Variants in XYLT1 observed in about 807,000 individuals in gnomAD.
The protein encoded by XYLT1 is xylosyltransferase 1, also known as beta-D-xylosyltransferase 1.
Under a neutral mutation model 91.3 loss-of-function variants are expected in XYLT1, and 36 were observed. That is an observed-to-expected ratio of 0.39 (90% CI 0.30 to 0.52). The LOEUF (loss-of-function observed/expected upper bound fraction) is 0.52, where lower values mean the gene tolerates loss of function less well. XYLT1 is among the 20% of genes least tolerant of loss of function. XYLT1 has a pLI of 0.68. For missense variants in XYLT1, 1,242 were observed against 1,284.5 expected, an observed-to-expected ratio of 0.97 and a Z score of 0.51; for synonymous variants, 588 against 532.0, an observed-to-expected ratio of 1.11 and a Z score of -1.45.
chr16:17,133,668 G>T (rs975192481), intron 9 of XYLT1, among the ~76,000 whole-genome samples: 1 of 152,164 alleles, frequency 6.6e-6, no homozygotes, highest in Non-Finnish European at 1.5e-5. Flanking sequence ...AATGCATATT[G>T]CTTCAGAACA....
chr16:17,407,354 C>T lies in XYLT1; in HGVS notation c.364-49304G>A, dbSNP rs566677696. ...ATGTGTATATATATAAGGGGTATAA[C>T]ACAGCGTTATTTTTAAGGAATAAGA... On this transcript the variant is annotated intron_variant, in intron 1 of 11. Transcript: ENST00000261381. Among the ~76,000 whole-genome samples the T allele has an allele frequency of 5.9e-5, 9 of 152,228 alleles. No homozygotes were observed. In the South Asian group the frequency reaches 1.9e-3, roughly 32 times the overall value.
intron 1 of XYLT1, among the ~76,000 whole-genome samples, chr16:17,411,272 T>A (rs763565347): frequency 5.9e-5 from 9 of 152,200 alleles, no homozygotes; most frequent in Non-Finnish European, 1.3e-4. Context: ...TTGATGTTGA[T>A]AATAAAAGCT....
intron 2 of XYLT1, among the ~76,000 whole-genome samples, chr16:17,340,428 G>A (rs772228876): frequency 1.3e-5 from 2 of 152,238 alleles, no homozygotes; most frequent in Non-Finnish European, 2.9e-5. Flanking sequence ...CAGGCAGAGC[G>A]CCATGCCTGT....
At chr16:17,186,467 ATT>A (rs55895412) in intron 5 of XYLT1, among the ~76,000 whole-genome samples, 169 of 132,376 alleles carry the variant, frequency 1.3e-3, no homozygotes, top group Non-Finnish European at 1.6e-3. Context: ...CACCTGGTTA[ATT>A]TTTTTTTTTT....
In XYLT1 at chr16:17,364,958, T is replaced by A. The variant is rs576607442; in HGVS notation, c.364-6908A>T. 1.5e-3 allele frequency among the ~76,000 whole-genome samples: 234 copies of A among 152,298 alleles called. 1 individual carries two copies. Among genetic ancestry groups the A allele is most frequent in the Non-Finnish European group, 1.6e-3 (112 of 68,026 alleles). On this transcript the variant is annotated intron_variant, in intron 1 of 11. Coordinates refer to ENST00000261381, the MANE Select transcript of XYLT1 (RefSeq NM_022166.4). ...TACGCTGAACCGGAGAGACTTTACA[T>A]GATACCTAAACTCTACCATGTGTAA...
In XYLT1 at chr16:17,200,583, C is replaced by A. The variant is rs759080497; in HGVS notation, c.985G>T (p.Ala329Ser). 1 of 1,614,050 alleles carries A rather than the reference C, an allele frequency of 6.2e-7. No homozygotes were observed. The highest frequency in any genetic ancestry group is 2.2e-5 in the East Asian group (1 of 44,894). ...CGGCCGTGGACCACCAGGACAAAGG[C>A]GATTCTGACCGGGTTGGCTGGCATG... ...EYMPANPVRI[A>S]FVLVVHGRAS... is the part of the protein sequence containing the mutation. Residue 329 changes from alanine (A) to serine (S), a missense_variant, in exon 4 of 12, where the codon GCC becomes TCC. Transcript: ENST00000261381.
chr16:17,263,691 C>A (rs76081691), intron 2 of XYLT1, among the ~76,000 whole-genome samples: 2 of 151,812 alleles, frequency 1.3e-5, no homozygotes, highest in African/African-American at 4.8e-5. Context: ...TGGCTTCCCC[C>A]CTTCAATTCA....
At chr16:17,178,976 G>T (rs557411556) in intron 5 of XYLT1, among the ~76,000 whole-genome samples, 1 of 152,194 alleles carries the variant, frequency 6.6e-6, no homozygotes, top group East Asian at 1.9e-4. Context: ...GGCTGAGATG[G>T]GAGGACCACT....
At chr16:17,309,888 G>A (rs1596475533) in intron 2 of XYLT1, among the ~76,000 whole-genome samples, 1 of 152,288 alleles carries the variant, frequency 6.6e-6, no homozygotes, top group East Asian at 1.9e-4. Flanking sequence ...GGTGAGAAAG[G>A]CTATGTGGGG....
intron 1 of XYLT1, among the ~76,000 whole-genome samples, chr16:17,440,655 A>G (rs1293961099): frequency 6.6e-6 from 1 of 152,238 alleles, no homozygotes; most frequent in Non-Finnish European, 1.5e-5. Context: ...GTTCCACTTC[A>G]CATGTCAATG....
At chr16:17,466,070 C>G (rs933438370) in intron 1 of XYLT1, among the ~76,000 whole-genome samples, 1 of 152,166 alleles carries the variant, frequency 6.6e-6, no homozygotes, top group Non-Finnish European at 1.5e-5. Flanking sequence ...GTTCCCACAC[C>G]CCTTCCTTAG....
intron 1 of XYLT1, among the ~76,000 whole-genome samples, chr16:17,381,219 C>A (rs1306597666): frequency 6.6e-6 from 1 of 151,798 alleles, no homozygotes; most frequent in African/African-American, 2.4e-5. Context: ...ATAAGAAAAT[C>A]CTGGGGGTGA....
chr16:17,226,899 G>A (rs569823160), intron 3 of XYLT1: 2 of 152,202 alleles, frequency 1.3e-5, no homozygotes, highest in African/African-American at 2.4e-5. Context: ...TCATTGCTTT[G>A]AGCCTCAGTT....
intron 1 of XYLT1, among the ~76,000 whole-genome samples, chr16:17,424,895 G>T (rs9937900): frequency 6.7e-6 from 1 of 148,520 alleles, no homozygotes; most frequent in Non-Finnish European, 1.5e-5. Context: ...AAAAAGATAC[G>T]TGGACACACA....
chr16:17,404,103 G>T (rs1001376727), intron 1 of XYLT1, among the ~76,000 whole-genome samples: 6 of 150,756 alleles, frequency 4.0e-5, no homozygotes, highest in Non-Finnish European at 7.4e-5. Flanking sequence ...GTGTGGTTGG[G>T]GGGGGGGCTC....
intron 9 of XYLT1, among the ~76,000 whole-genome samples, chr16:17,131,593 G>A (rs1450506932): frequency 6.6e-6 from 1 of 152,074 alleles, no homozygotes; most frequent in Non-Finnish European, 1.5e-5. Context: ...ATAAAATGCT[G>A]ACATCCTTAT....
At position 17,122,234 on chromosome 16, in the gene XYLT1, G is replaced by A. The variant is rs114550575; in HGVS notation, c.2224-4255C>T. Among the ~76,000 whole-genome samples the A allele has an allele frequency of 1.9e-3, 285 of 152,284 alleles. 3 individuals are homozygous for A. Among genetic ancestry groups the A allele is most frequent in the African/African-American group, 6.4e-3 (267 of 41,564 alleles). Reference sequence around the variant, plus strand: ...ACAGTCCCACCAACAGCATAAAAGCGTTCCCTTTTCACCACATCCATGCCA... The same window carrying A: ...ACAGTCCCACCAACAGCATAAAAGCATTCCCTTTTCACCACATCCATGCCA... On this transcript the variant is annotated intron_variant, in intron 10 of 11. Transcript: ENST00000261381.
intron 1 of XYLT1, among the ~76,000 whole-genome samples, chr16:17,468,975 G>C (rs2036939546): frequency 6.6e-6 from 1 of 152,140 alleles, no homozygotes; most frequent in Admixed American, 6.6e-5. Flanking sequence ...TCTCTGTAAA[G>C]AAGAGATCGC....
At chr16:17,145,438 T>C (rs1015160102) in intron 6 of XYLT1, among the ~76,000 whole-genome samples, 2 of 152,148 alleles carry the variant, frequency 1.3e-5, no homozygotes, top group Admixed American at 6.5e-5. Flanking sequence ...TCTTGGATTG[T>C]TGCTGGAGTT....
Sources: allele counts gnomAD v4.1 joint callset (sites outside exome capture counted in the v4.1 genomes callset), GRCh38; gene constraint gnomAD v4.1.1; transcripts MANE v1.5; gene names NCBI Gene and HGNC (gene_info 2026-07-23, HGNC 2026-07-21).